DSCAM: variants seen among roughly 807,000 people sequenced by gnomAD.
DSCAM encodes the protein cell adhesion molecule DSCAM.
A neutral mutation model predicts 217.7 loss-of-function variants in DSCAM; 47 were observed. The ratio of observed to expected loss-of-function variants is 0.22; its 90% CI spans 0.17 to 0.28. The LOEUF is 0.28. Ranked by LOEUF, DSCAM falls within the 10% of genes least tolerant of loss-of-function variation. The pLI is 1.00. For missense variants in DSCAM, 2,080 were observed against 2,618.3 expected (o/e 0.79, Z 4.49); for synonymous variants, 1,056 against 1,015.3 (o/e 1.04, Z -0.76).
intron 3 of DSCAM, among the ~76,000 whole-genome samples, chr21:40,556,422 G>T (rs2076672326): frequency 6.6e-6 from 1 of 152,192 alleles, no homozygotes; most frequent in Non-Finnish European, 1.5e-5. Flanking sequence ...TAAGAAAATT[G>T]TAAGGAAGAG....
intron 3 of DSCAM, among the ~76,000 whole-genome samples, chr21:40,627,745 C>T (rs1000707040): frequency 3.3e-5 from 5 of 152,202 alleles, no homozygotes; most frequent in Non-Finnish European, 7.3e-5. Flanking sequence ...ATGATTCAGA[C>T]GTGAAAGCTC....
At chr21:40,142,528 A>G in intron 18 of DSCAM, 30 bp downstream of exon 18, 1 of 1,611,360 alleles carries the variant, frequency 6.2e-7, no homozygotes, top group South Asian at 1.1e-5. Flanking sequence ...CTCTGGAGGC[A>G]AACCCAAAGT....
At chr21:40,795,338 A>G (rs1375780668) in intron 1 of DSCAM, among the ~76,000 whole-genome samples, 2 of 147,328 alleles carry the variant, frequency 1.4e-5, no homozygotes, top group Non-Finnish European at 1.5e-5. Flanking sequence ...CCAACAACTT[A>G]CATATACTAC....
At chr21:40,560,797 C>A (rs960242793) in intron 3 of DSCAM, among the ~76,000 whole-genome samples, 1 of 152,138 alleles carries the variant, frequency 6.6e-6, no homozygotes, top group Non-Finnish European at 1.5e-5. Flanking sequence ...GCTGCCTCTG[C>A]CCAGCATCAA....
intron 3 of DSCAM, among the ~76,000 whole-genome samples, chr21:40,578,612 C>T (rs191093538): frequency 6.6e-6 from 1 of 152,206 alleles, no homozygotes; most frequent in African/African-American, 2.4e-5. Context: ...CCCTTTTGCA[C>T]TGTGGTACCT....
intron 1 of DSCAM, among the ~76,000 whole-genome samples, chr21:40,797,974 C>T (rs890239788): frequency 6.6e-6 from 1 of 151,722 alleles, no homozygotes; most frequent in Admixed American, 6.6e-5. Context: ...TCATTAGATG[C>T]ACATTACTTT....
Position 40,062,856 on chromosome 21 carries a change from G to A in DSCAM, c.4919+13C>T, listed in dbSNP as rs774812703. On this transcript the variant is annotated intron_variant, in intron 28 of 32. Transcript: ENST00000400454. ...TCAAACATGATATCTGGGGTGCTAG[G>A]TCTTGTTCTTACCTCATGAGCATTT... is the stretch of plus-strand genomic sequence containing the variant. 20 of 1,587,966 alleles carry A rather than the reference G, an allele frequency of 1.3e-5. No homozygotes were observed. Among genetic ancestry groups the A allele is most frequent in the Middle Eastern group, 3.3e-4 (2 of 5,994 alleles).
At position 40,353,717 on chromosome 21, in the gene DSCAM, G is replaced by C. The variant is rs1359991460; in HGVS notation, c.682C>G (p.Leu228Val). 1.3e-6 allele frequency: 2 copies of C among 1,579,976 alleles called. No homozygotes were observed. Among genetic ancestry groups the C allele is most frequent in the Non-Finnish European group, 8.6e-7 (1 of 1,168,128 alleles). The part of the protein sequence containing the change: ...SDPANSAPSI[L>V]DGFDHRKAMA... ...GCTTTGCGATGGTCAAACCCATCCA[G>C]TATGGATGGGGCTGAGTTCGCTGGG... The change falls in exon 5 of 33, where the codon CTG becomes GTG. Residue 228 changes from leucine to valine, a missense_variant. Leu to Val is a conservative substitution (Grantham distance 32). This residue lies in a region of DSCAM where 568 missense variants were observed against 678.1 expected (regional missense o/e 0.84). Coordinates refer to ENST00000400454, the MANE Select transcript of DSCAM (RefSeq NM_001389.5).
At chr21:40,541,731 A>T (rs1389535917) in intron 3 of DSCAM, among the ~76,000 whole-genome samples, 1 of 152,204 alleles carries the variant, frequency 6.6e-6, no homozygotes, top group Non-Finnish European at 1.5e-5. Flanking sequence ...ACTTTAATAA[A>T]GTAATAATAT....
At chr21:40,279,757 A>G (rs2073734973) in intron 10 of DSCAM, among the ~76,000 whole-genome samples, 1 of 152,220 alleles carries the variant, frequency 6.6e-6, no homozygotes, top group Non-Finnish European at 1.5e-5. Context: ...TTGATCAAGA[A>G]AATGTGGCAC....
rs1039039461 is a variant in DSCAM, at chr21:40,333,170, A to C, written c.1783+4931T>G. On this transcript the variant is annotated intron_variant, in intron 8 of 32. Transcript: ENST00000400454. ...GAACAAAATAAGAAAGTCTCTTTCA[A>C]TCCTAATCCACAGGGAAAGCCAAAA... is the stretch of plus-strand genomic sequence containing the variant. Among the ~76,000 whole-genome samples the C allele has an allele frequency of 3.3e-5, 5 of 152,194 alleles. No individual in the cohort carries two copies. In the East Asian group the frequency reaches 9.6e-4, roughly 29 times the overall value.
intron 11 of DSCAM, among the ~76,000 whole-genome samples, chr21:40,225,087 G>A (rs2091320101): frequency 6.6e-6 from 1 of 152,224 alleles, no homozygotes; most frequent in Non-Finnish European, 1.5e-5. Context: ...GGTAAACACT[G>A]AAACATCCCT....
At chr21:40,300,345 CA>C (rs2074001218) in intron 9 of DSCAM, among the ~76,000 whole-genome samples, 1 of 152,182 alleles carries the variant, frequency 6.6e-6, no homozygotes. Flanking sequence ...TTCTTTTTAT[CA>C]GGTGCTGATG....
intron 11 of DSCAM, among the ~76,000 whole-genome samples, chr21:40,204,899 G>A (rs1237541947): frequency 2.6e-5 from 4 of 152,212 alleles, no homozygotes; most frequent in African/African-American, 7.2e-5. Context: ...TATGAGCCCT[G>A]CATCCAGCAG....
In DSCAM at chr21:40,685,639, CCTTTTGCCTTTGCTG is replaced by C. The variant is rs2090464654; in HGVS notation, c.508+7156_508+7170del. Among the ~76,000 whole-genome samples, 2 of 152,174 alleles carry C rather than the reference CCTTTTGCCTTTGCTG, an allele frequency of 1.3e-5. 1 individual carries two copies. The highest frequency in any genetic ancestry group is 4.1e-4 in the South Asian group (2 of 4,822). On this transcript the variant is annotated intron_variant, in intron 3 of 32. Transcript: ENST00000400454. ...TTTCCTCTGAATGTCACCTCATGTG[CCTTTTGCCTTTGCTG>C]CTTTTGCTCCATAGCCTTCTCCTGT...
At chr21:40,217,383 G>A (rs1448561498) in intron 11 of DSCAM, among the ~76,000 whole-genome samples, 4 of 152,250 alleles carry the variant, frequency 2.6e-5, no homozygotes, top group Middle Eastern at 3.4e-3. Flanking sequence ...CTACATATAT[G>A]TATACATATA....
chr21:40,559,887 A>G (rs371680285), intron 3 of DSCAM, among the ~76,000 whole-genome samples: 155 of 146,182 alleles, frequency 1.1e-3, no homozygotes, highest in Middle Eastern at 3.6e-3. Context: ...CCGCCTCCCG[A>G]GTTCACGCCA....
At chr21:40,458,654 T>G (rs1055340002) in intron 3 of DSCAM, among the ~76,000 whole-genome samples, 2 of 152,084 alleles carry the variant, frequency 1.3e-5, no homozygotes, top group African/African-American at 4.8e-5. Context: ...GATAAAAAAT[T>G]AGATTGTTGA....
chr21:40,506,384 G>A (rs1408376663), intron 3 of DSCAM, among the ~76,000 whole-genome samples: 1 of 152,186 alleles, frequency 6.6e-6, no homozygotes, highest in Non-Finnish European at 1.5e-5. Context: ...AATACCAGTG[G>A]GAGCCCCGGA....
Sources: allele counts gnomAD v4.1 joint callset (sites outside exome capture counted in the v4.1 genomes callset), GRCh38; gene constraint gnomAD v4.1.1; regional missense constraint gnomAD v4.1.1; transcripts MANE v1.5; gene names NCBI Gene and HGNC (gene_info 2026-07-23, HGNC 2026-07-21).